The following PCDH15 variants were observed in gnomAD, a reference collection of about 807,000 sequenced individuals.
The protein encoded by PCDH15 is protocadherin related 15, also known as protocadherin-15.
In PCDH15, 129 loss-of-function variants were observed where a neutral mutation model predicts 178.5. The observed-to-expected ratio is 0.72, with a 90% CI of 0.63 to 0.84. The LOEUF (loss-of-function observed/expected upper bound fraction) is 0.84, where lower values mean the gene tolerates loss of function less well. PCDH15 is among the 40% of genes least tolerant of loss of function. The probability of loss-of-function intolerance (pLI) is 0.00; values close to 1 mark genes in which losing one functional copy is unlikely to be tolerated. For synonymous variants in PCDH15, 800 were observed against 732.0 expected, an observed-to-expected ratio of 1.09 and a Z score of -1.50; for missense variants, 2,230 against 2,099.9, an observed-to-expected ratio of 1.06 and a Z score of -1.21.
chr10:55,587,353 G>T (rs1278577928), intron 2 of PCDH15, among the ~76,000 whole-genome samples: 2 of 151,816 alleles, frequency 1.3e-5, no homozygotes, highest in Non-Finnish European at 2.9e-5. Context: ...CATATATAAG[G>T]CTTTTTAATT....
chr10:53,842,682 CTGAAA>C (rs2077733127), intron 28 of PCDH15, among the ~76,000 whole-genome samples: 1 of 152,120 alleles, frequency 6.6e-6, no homozygotes, highest in Non-Finnish European at 1.5e-5. Flanking sequence ...ATTAATTTGA[CTGAAA>C]TATTTCCATT....
chr10:54,682,473 T>C (rs896541617), intron 1 of PCDH15, among the ~76,000 whole-genome samples: 4 of 152,146 alleles, frequency 2.6e-5, no homozygotes, highest in Non-Finnish European at 4.4e-5. Context: ...ATTCAGAAAT[T>C]GGTCATTTAT....
At chr10:55,353,979 T>C (rs559840685) in intron 2 of PCDH15, among the ~76,000 whole-genome samples, 2 of 152,222 alleles carry the variant, frequency 1.3e-5, no homozygotes, top group Non-Finnish European at 2.9e-5. Flanking sequence ...CGATTCTTTA[T>C]ATTTGATCTT....
At chr10:55,337,996 G>C (rs1415316249) in intron 2 of PCDH15, among the ~76,000 whole-genome samples, 1 of 151,942 alleles carries the variant, frequency 6.6e-6, no homozygotes, top group Admixed American at 6.6e-5. Context: ...AATAGCAAAA[G>C]ATCTCTAGAC....
At chr10:54,228,726 G>A (rs938113588) in intron 9 of PCDH15, among the ~76,000 whole-genome samples, 3 of 152,086 alleles carry the variant, frequency 2.0e-5, no homozygotes, top group Non-Finnish European at 4.4e-5. Flanking sequence ...CTGCCTTTTT[G>A]TTCTATTCAG....
intron 3 of PCDH15, among the ~76,000 whole-genome samples, chr10:54,449,105 C>T (rs2076314018): frequency 6.6e-6 from 1 of 151,646 alleles, no homozygotes. Context: ...CATTTAAATC[C>T]TGAACTATTG....
At chr10:54,489,316 T>C (rs2137085007) in intron 3 of PCDH15, among the ~76,000 whole-genome samples, 1 of 151,394 alleles carries the variant, frequency 6.6e-6, no homozygotes, top group Admixed American at 6.6e-5. Flanking sequence ...TTCCTAAATT[T>C]AGAAAAATAC....
chr10:54,530,736 C>A (rs1181395188), intron 2 of PCDH15, among the ~76,000 whole-genome samples: 11 of 152,090 alleles, frequency 7.2e-5, no homozygotes, highest in African/African-American at 2.4e-4. Flanking sequence ...ATTCAAAATT[C>A]TCCCCAATAA....
intron 26 of PCDH15, among the ~76,000 whole-genome samples, chr10:53,897,265 G>C (rs1035438451): frequency 6.6e-6 from 1 of 152,128 alleles, no homozygotes; most frequent in African/African-American, 2.4e-5. Context: ...CCATATTGTT[G>C]CAACTGGTGT....
rs114516567 is a variant in PCDH15, at chr10:55,471,615, G to A, written c.-156+156010C>T. ...TGGTTAAATCCCTGTTGGCTAGTCTGGTCTCGAACTCCCAACCTAAAGTGA... is the reference window on the plus strand; with the variant it reads ...TGGTTAAATCCCTGTTGGCTAGTCTAGTCTCGAACTCCCAACCTAAAGTGA... On this transcript the variant is annotated intron_variant, in intron 2 of 5. Coordinates refer to the PCDH15 transcript ENST00000613346. Among the ~76,000 whole-genome samples the A allele has an allele frequency of 4.5e-3, 686 of 152,300 alleles. 8 individuals carry two copies. The highest frequency in any genetic ancestry group is 0.016 in the African/African-American group (657 of 41,550).
intron 1 of PCDH15, among the ~76,000 whole-genome samples, chr10:54,750,512 A>C (rs1337750869): frequency 6.6e-6 from 1 of 152,090 alleles, no homozygotes; most frequent in Admixed American, 6.5e-5. Context: ...ATTTAACTTC[A>C]CTGTACTATA....
At chr10:54,925,345 A>ATAT (rs1437818250) in intron 2 of PCDH15, among the ~76,000 whole-genome samples, 15 of 152,128 alleles carry the variant, frequency 9.9e-5, no homozygotes, top group African/African-American at 3.1e-4. Flanking sequence ...TGGTTACTGT[A>ATAT]GCCTTGTTGT....
intron 21 of PCDH15, among the ~76,000 whole-genome samples, chr10:53,983,682 C>T (rs1380270616): frequency 6.6e-6 from 1 of 152,144 alleles, no homozygotes; most frequent in Non-Finnish European, 1.5e-5. Context: ...TGAAATAACA[C>T]ATTCCTTGTA....
chr10:54,659,724 AGT>A, intron 2 of PCDH15, among the ~76,000 whole-genome samples: 1 of 149,878 alleles, frequency 6.7e-6, no homozygotes. Context: ...ACTACACTTC[AGT>A]CTGGGTGACA....
intron 1 of PCDH15, among the ~76,000 whole-genome samples, chr10:54,682,858 A>G (rs1266995214): frequency 6.6e-6 from 1 of 152,186 alleles, no homozygotes; most frequent in Non-Finnish European, 1.5e-5. Flanking sequence ...AGAAAACAGA[A>G]GCCCAGAGAA....
intron 1 of PCDH15, among the ~76,000 whole-genome samples, chr10:54,690,818 A>G (rs12247754): frequency 0.52 from 79,349 of 151,694 alleles, 21,572 homozygotes; most frequent in Non-Finnish European, 0.61. Context: ...TTATTATCTC[A>G]GTGTCCCTAG....
chr10:53,857,106 A>C, intron 28 of PCDH15, 69 bp downstream of exon 28: 1 of 1,150,912 alleles, frequency 8.7e-7, no homozygotes, highest in Non-Finnish European at 1.3e-6. Context: ...TCTAAAATAA[A>C]ATTTAAAAAA....
At chr10:54,907,472 C>T (rs979892834) in intron 2 of PCDH15, among the ~76,000 whole-genome samples, 9 of 152,130 alleles carry the variant, frequency 5.9e-5, no homozygotes, top group African/African-American at 1.9e-4. Context: ...GTGATGAAGA[C>T]GTCACATACT....
chr10:54,864,759 C>A (rs188862076), intron 3 of PCDH15: 1 of 152,168 alleles, frequency 6.6e-6, no homozygotes, highest in Non-Finnish European at 1.5e-5. Flanking sequence ...TTCTCCACTG[C>A]ACTACTTCCC....
Sources: allele counts gnomAD v4.1 joint callset (sites outside exome capture counted in the v4.1 genomes callset), GRCh38; gene constraint gnomAD v4.1.1; transcripts MANE v1.5; gene names NCBI Gene and HGNC (gene_info 2026-07-23, HGNC 2026-07-21).